Variants in CNBD1 observed in about 807,000 individuals in gnomAD.
The protein encoded by CNBD1 is cyclic nucleotide binding domain containing 1.
A neutral mutation model predicts 54.4 loss-of-function variants in CNBD1; 71 were observed. That is an observed-to-expected ratio of 1.30 (90% CI 1.08 to 1.59). CNBD1 has a LOEUF of 1.59. CNBD1 is among the 40% of genes most tolerant of loss of function. CNBD1 has a pLI of 0.00. For missense variants in CNBD1, 659 were observed against 518.0 expected (o/e 1.27, Z -2.64); for synonymous variants, 182 against 170.7 (o/e 1.07, Z -0.51).
At position 87,378,402 on chromosome 8, in the gene CNBD1, A is replaced by C. The variant is rs1221906613; in HGVS notation, c.1304-4218A>C. Among the ~76,000 whole-genome samples the C allele has an allele frequency of 3.1e-3, 469 of 150,482 alleles. 10 individuals carry two copies. Among genetic ancestry groups the C allele is most frequent in the African/African-American group, 0.01 (416 of 40,212 alleles). On this transcript the variant is annotated intron_variant, in intron 10 of 10. Coordinates refer to ENST00000518476, the MANE Select transcript of CNBD1 (RefSeq NM_173538.3). ...GCCAGTTTTCCCAGCACCATTTATT[A>C]AATAGGGAATCCTTTCCCCATTTCT...
intron 4 of CNBD1, among the ~76,000 whole-genome samples, chr8:86,986,217 C>A (rs571887535): frequency 1.3e-5 from 2 of 152,202 alleles, no homozygotes; most frequent in African/African-American, 4.8e-5. Context: ...CATGATCCAC[C>A]ATGCCCAGCC....
intron 4 of CNBD1, among the ~76,000 whole-genome samples, chr8:87,100,104 T>C (rs2130691836): frequency 6.6e-6 from 1 of 152,288 alleles, no homozygotes; most frequent in South Asian, 2.1e-4. Flanking sequence ...GAGGAATGAA[T>C]GTCAAATTCT....
At chr8:87,077,907 A>T (rs1810908687) in intron 4 of CNBD1, among the ~76,000 whole-genome samples, 1 of 152,126 alleles carries the variant, frequency 6.6e-6, no homozygotes, top group Non-Finnish European at 1.5e-5. Flanking sequence ...TAGTATCATG[A>T]TTTATAATCC....
chr8:86,988,448 A>G (rs1808660821), intron 4 of CNBD1, among the ~76,000 whole-genome samples: 1 of 152,160 alleles, frequency 6.6e-6, no homozygotes, highest in African/African-American at 2.4e-5. Context: ...TAGGCACAAA[A>G]TACATAATAA....
chr8:87,104,717 C>CA (rs1164115596), intron 4 of CNBD1, among the ~76,000 whole-genome samples: 1 of 152,214 alleles, frequency 6.6e-6, no homozygotes, highest in East Asian at 1.9e-4. Flanking sequence ...ACTATTGTTT[C>CA]AGTCTTGCCT....
intron 4 of CNBD1, among the ~76,000 whole-genome samples, chr8:87,091,132 T>A (rs1211203938): frequency 7.6e-6 from 1 of 131,996 alleles, no homozygotes; most frequent in Non-Finnish European, 1.6e-5. Context: ...AGAGTGAGAC[T>A]CTGTCTCAAA....
intron 5 of CNBD1, among the ~76,000 whole-genome samples, chr8:87,235,012 C>G (rs955392612): frequency 6.6e-6 from 1 of 152,168 alleles, no homozygotes; most frequent in Non-Finnish European, 1.5e-5. Context: ...TCACCTTGCA[C>G]TTTATGTTAT....
rs534869362 is a variant in CNBD1, at chr8:87,193,705, G to C, written c.432-12288G>C. Reference sequence around the variant, plus strand: ...ATTTTTTTCTTTTATATTTGTCTGCGTAAGAACAGGGAACTGTCTTAACAG... The same window carrying C: ...ATTTTTTTCTTTTATATTTGTCTGCCTAAGAACAGGGAACTGTCTTAACAG... On this transcript the variant is annotated intron_variant, in intron 4 of 10. Transcript: ENST00000518476. 2.0e-5 allele frequency among the ~76,000 whole-genome samples: 3 copies of C among 152,022 alleles called. No individual in the cohort carries two copies. In the South Asian group the frequency reaches 6.2e-4, roughly 32 times the overall value.
At chr8:87,321,598 A>C (rs979066865) in intron 8 of CNBD1, among the ~76,000 whole-genome samples, 3 of 152,100 alleles carry the variant, frequency 2.0e-5, no homozygotes, top group African/African-American at 2.4e-5. Flanking sequence ...TTAACCATTT[A>C]TCAGGTATAT....
At position 87,379,939 on chromosome 8, in the gene CNBD1, GA is replaced by G. The variant is rs563600041; in HGVS notation, c.1304-2678del. Reference sequence around the variant, plus strand: ...TTAAATATGACCAAATGATTTACCAGAAACCAGTTAGAAACATTTACCAAGT... The same window carrying G: ...TTAAATATGACCAAATGATTTACCAGAACCAGTTAGAAACATTTACCAAGT... On this transcript the variant is annotated intron_variant, in intron 10 of 10. Coordinates refer to ENST00000518476, the MANE Select transcript of CNBD1 (RefSeq NM_173538.3). Among the ~76,000 whole-genome samples, 233 of 148,206 alleles carry G rather than the reference GA, an allele frequency of 1.6e-3. 1 individual carries two copies. The highest frequency in any genetic ancestry group is 2.4e-3 in the Non-Finnish European group (165 of 67,868).
chr8:87,327,704 G>A (rs781301880), intron 8 of CNBD1, among the ~76,000 whole-genome samples: 1 of 152,092 alleles, frequency 6.6e-6, no homozygotes, highest in Non-Finnish European at 1.5e-5. Flanking sequence ...CCACTGTCTG[G>A]CACTTCCTAG....
intron 4 of CNBD1, among the ~76,000 whole-genome samples, chr8:87,071,949 C>A (rs1810767671): frequency 6.6e-6 from 1 of 152,038 alleles, no homozygotes; most frequent in African/African-American, 2.4e-5. Context: ...GAGTCTATGT[C>A]TCTTTATAGG....
At chr8:87,424,199 T>A (rs1352213362) in intron 2 of CNBD1, among the ~76,000 whole-genome samples, 6 of 152,174 alleles carry the variant, frequency 3.9e-5, no homozygotes, top group African/African-American at 1.2e-4. Context: ...GCGGTCTATC[T>A]ATTTTGTTGA....
chr8:86,895,103 C>T (rs74748179), intron 2 of CNBD1, among the ~76,000 whole-genome samples: 13,607 of 152,158 alleles, frequency 0.089, 849 homozygotes, highest in African/African-American at 0.18. Context: ...CCTCATGACT[C>T]AATCACCTTT....
chr8:87,035,519 G>A (rs1443096436), intron 4 of CNBD1, among the ~76,000 whole-genome samples: 1 of 152,180 alleles, frequency 6.6e-6, no homozygotes, highest in Non-Finnish European at 1.5e-5. Flanking sequence ...AGCTTAAAAT[G>A]TAAAACGGTA....
intron 1 of CNBD1, among the ~76,000 whole-genome samples, chr8:86,883,891 C>T (rs1445360268): frequency 6.6e-6 from 1 of 152,044 alleles, no homozygotes; most frequent in East Asian, 1.9e-4. Flanking sequence ...GTGGCTCACG[C>T]CTGTAATCCC....
intron 1 of CNBD1, among the ~76,000 whole-genome samples, chr8:86,880,399 C>T (rs1808590008): frequency 6.6e-6 from 1 of 151,908 alleles, no homozygotes; most frequent in Admixed American, 6.6e-5. Context: ...TACAGTATAA[C>T]ACTATTTAAA....
intron 2 of CNBD1, among the ~76,000 whole-genome samples, chr8:87,398,613 A>G (rs1319820881): frequency 6.6e-6 from 1 of 152,002 alleles, no homozygotes; most frequent in African/African-American, 2.4e-5. Context: ...CCTTCTTTTT[A>G]AAAAACCTGA....
intron 1 of CNBD1, among the ~76,000 whole-genome samples, chr8:86,883,603 C>A (rs1234040824): frequency 1.3e-5 from 2 of 151,864 alleles, no homozygotes; most frequent in African/African-American, 4.8e-5. Flanking sequence ...TCACAAAAAC[C>A]CAGTAAGAAG....
Sources: gnomAD v4.1 joint callset for allele counts (sites outside exome capture counted in the v4.1 genomes callset) on GRCh38, gnomAD v4.1.1 for gene constraint, MANE v1.5 for transcripts, NCBI Gene and HGNC (gene_info 2026-07-23, HGNC 2026-07-21) for gene names.